The following EYA2 variants were observed in gnomAD, a reference collection of about 807,000 sequenced individuals.
EYA2 encodes the protein protein phosphatase EYA2.
EYA2 carries 31 observed loss-of-function variants against 69.2 expected under a neutral mutation model. That is an observed-to-expected ratio of 0.45 (90% CI 0.34 to 0.60). The LOEUF is 0.60. Among genes scored for constraint, EYA2 ranks in the 20% least tolerant of loss-of-function variants. The probability of loss-of-function intolerance (pLI) is 0.02; values close to 1 mark genes in which losing one functional copy is unlikely to be tolerated. For synonymous variants in EYA2, 257 were observed against 279.4 expected, an observed-to-expected ratio of 0.92 and a Z score of 0.80; for missense variants, 622 against 701.2, an observed-to-expected ratio of 0.89 and a Z score of 1.28.
At chr20:47,078,331 G>GCACACACACACACA (rs60383949) in intron 7 of EYA2, among the ~76,000 whole-genome samples, 1 of 123,728 alleles carries the variant, frequency 8.1e-6, no homozygotes, top group East Asian at 2.3e-4. Context: ...GCGCGCGCGC[G>GCACACACACACACA]CACACACACA....
rs1019205335 is a variant in EYA2 at position 46,911,295 on chromosome 20, T to C, written c.-11+16308T>C. On this transcript the variant is annotated intron_variant, in intron 1 of 15. Transcript: ENST00000327619. Reference sequence around the variant, plus strand: ...GTATACTCTAGGATGGCATTTAATATGTCCATGTGGACATCATGCACCATC... The same window carrying C: ...GTATACTCTAGGATGGCATTTAATACGTCCATGTGGACATCATGCACCATC... 2.0e-5 allele frequency among the ~76,000 whole-genome samples: 3 copies of C among 152,110 alleles called. No homozygotes were observed. The South Asian group carries it at 6.2e-4, about 32-fold the overall frequency.
chr20:47,081,935 G>A (rs2031736836), intron 7 of EYA2, among the ~76,000 whole-genome samples: 1 of 151,816 alleles, frequency 6.6e-6, no homozygotes. Context: ...TGCCTCCCAG[G>A]TTCAAGTGAT....
chr20:47,153,817 C>A (rs2033870104), intron 10 of EYA2, among the ~76,000 whole-genome samples: 1 of 151,972 alleles, frequency 6.6e-6, no homozygotes, highest in African/African-American at 2.4e-5. Context: ...ATCAGAGGAC[C>A]TAAGTTCCAA....
At chr20:47,132,618 G>C (rs1418214897) in intron 9 of EYA2, among the ~76,000 whole-genome samples, 2 of 152,208 alleles carry the variant, frequency 1.3e-5, no homozygotes, top group African/African-American at 2.4e-5. Context: ...CCCAGGATTT[G>C]AACCTGGGTC....
intron 9 of EYA2, among the ~76,000 whole-genome samples, chr20:47,118,396 T>C (rs544988712): frequency 6.6e-6 from 1 of 151,718 alleles, no homozygotes; most frequent in African/African-American, 2.4e-5. Context: ...TCCCATCCTG[T>C]AAGGAGTGAG....
intron 1 of EYA2, among the ~76,000 whole-genome samples, chr20:46,902,734 G>A (rs1462513447): frequency 6.6e-6 from 1 of 152,224 alleles, no homozygotes; most frequent in African/African-American, 2.4e-5. Flanking sequence ...ATCTGCCCTT[G>A]TAGAAATGAA....
Position 47,089,365 on chromosome 20 carries a change from G to C in EYA2, c.788G>C (p.Gly263Ala). The C allele has an allele frequency of 1.2e-6, 2 of 1,613,784 alleles. No individual in the cohort carries two copies. Among genetic ancestry groups the C allele is most frequent in the Non-Finnish European group, 1.7e-6 (2 of 1,179,846 alleles). ...AGGAGCAGTGACCCGTCCCCGGCAG[G>C]GGACAATGAGATTGAGGTAATCCAA... ...SKRSSDPSPA[G>A]DNEIERVFVW... Residue 263 changes from glycine (G) to alanine (A), a missense_variant, in exon 8 of 16, where the codon GGG becomes GCG. Physicochemically the swap from Gly to Ala is moderately conservative, Grantham distance 60. This residue lies in a region of EYA2 where 365 missense variants were observed against 349.7 expected (regional missense o/e 1.04). Coordinates refer to ENST00000327619, the MANE Select transcript of EYA2 (RefSeq NM_005244.5).
intron 1 of EYA2, among the ~76,000 whole-genome samples, chr20:46,907,708 C>T (rs1054084026): frequency 6.6e-6 from 1 of 152,156 alleles, no homozygotes; most frequent in Non-Finnish European, 1.5e-5. Context: ...GTATGGTGGC[C>T]CGCATCTGTA....
Position 46,987,964 on chromosome 20 carries a change from CTATA to C in EYA2, c.-10-2007_-10-2004del, listed in dbSNP as rs71183225. 8.9e-3 allele frequency among the ~76,000 whole-genome samples: 100 copies of C among 11,252 alleles called. 3 individuals carry two copies. The highest frequency in any genetic ancestry group is 0.018 in the East Asian group (4 of 226). The allele number at this position is 11,252 out of a possible 152,430, so 7.4% of individuals were successfully genotyped here. A position where few individuals can be genotyped will look rare whatever the true frequency, so the allele number is the denominator to read the frequency against. ...TCTCTCTCTCTCTCTCTCTCTCTCTCTATATATATATATATATATATATATATAT... is the reference window on the plus strand; with the variant it reads ...TCTCTCTCTCTCTCTCTCTCTCTCTCTATATATATATATATATATATATAT... On this transcript the variant is annotated intron_variant, in intron 1 of 15. Coordinates refer to ENST00000327619, the MANE Select transcript of EYA2 (RefSeq NM_005244.5).
At chr20:46,984,189 C>T (rs1981025908) in intron 1 of EYA2, among the ~76,000 whole-genome samples, 1 of 151,638 alleles carries the variant, frequency 6.6e-6, no homozygotes, top group Non-Finnish European at 1.5e-5. Flanking sequence ...ATTTTAAAAT[C>T]CCAAGAATAG....
intron 1 of EYA2, among the ~76,000 whole-genome samples, chr20:46,925,018 C>T (rs1421688853): frequency 2.0e-5 from 3 of 152,218 alleles, no homozygotes; most frequent in Admixed American, 1.3e-4. Context: ...CTCCTCCTGG[C>T]TTTGGTGGTG....
At chr20:47,045,715 A>T (rs1485920491) in intron 5 of EYA2, among the ~76,000 whole-genome samples, 1 of 152,152 alleles carries the variant, frequency 6.6e-6, no homozygotes, top group Non-Finnish European at 1.5e-5. Flanking sequence ...TTTTGTCAGG[A>T]ATTTGCAGGG....
chr20:47,060,346 A>G (rs900300139), intron 5 of EYA2, among the ~76,000 whole-genome samples: 5 of 152,298 alleles, frequency 3.3e-5, no homozygotes, highest in East Asian at 3.9e-4. Flanking sequence ...TTCTACTCTC[A>G]TGGCTTCATG....
intron 1 of EYA2, among the ~76,000 whole-genome samples, chr20:46,919,679 T>C (rs1245098049): frequency 6.6e-6 from 1 of 152,270 alleles, no homozygotes; most frequent in Non-Finnish European, 1.5e-5. Flanking sequence ...TGTTTTGCTT[T>C]CTTATCACTC....
chr20:46,917,148 A>G (rs1442077899), intron 1 of EYA2, among the ~76,000 whole-genome samples: 2 of 152,176 alleles, frequency 1.3e-5, no homozygotes, highest in Non-Finnish European at 2.9e-5. Flanking sequence ...GTACTTCCTC[A>G]AAGCACTTAA....
At chr20:46,943,182 T>G (rs566023897) in intron 1 of EYA2, among the ~76,000 whole-genome samples, 114 of 152,300 alleles carry the variant, frequency 7.5e-4, no homozygotes, top group Admixed American at 3.2e-3. Flanking sequence ...AGGGGAGGCG[T>G]GCTGCGGGCG....
chr20:47,141,211 A>C (rs9753752), intron 9 of EYA2, among the ~76,000 whole-genome samples: 7,095 of 152,310 alleles, frequency 0.047, 528 homozygotes, highest in African/African-American at 0.16. Context: ...CAGAGAAAGC[A>C]CTTCATAGAT....
chr20:47,164,444 G>A (rs181017305), intron 10 of EYA2, among the ~76,000 whole-genome samples: 123 of 152,330 alleles, frequency 8.1e-4, no homozygotes, highest in African/African-American at 2.9e-3. Context: ...GTGACCCCAG[G>A]AGTGGCTCCA....
chr20:46,991,224 G>A (rs1015526922), intron 2 of EYA2, among the ~76,000 whole-genome samples: 13 of 152,180 alleles, frequency 8.5e-5, no homozygotes, highest in South Asian at 2.1e-4. Flanking sequence ...AAGTAGAGAC[G>A]CAAGTCAACT....
Sources: allele counts gnomAD v4.1 joint callset (sites outside exome capture counted in the v4.1 genomes callset), GRCh38; gene constraint gnomAD v4.1.1; regional missense constraint gnomAD v4.1.1; transcripts MANE v1.5; gene names NCBI Gene and HGNC (gene_info 2026-07-23, HGNC 2026-07-21).